SYTL2: variants seen among roughly 807,000 people sequenced by gnomAD.
SYTL2 encodes synaptotagmin-like protein 2.
SYTL2 carries 165 observed loss-of-function variants against 198.7 expected under a neutral mutation model. The ratio of observed to expected loss-of-function variants is 0.83; its 90% CI spans 0.73 to 0.94. The LOEUF (loss-of-function observed/expected upper bound fraction) is 0.94, where lower values mean the gene tolerates loss of function less well. SYTL2 is among the 40% of genes least tolerant of loss of function. SYTL2 has a pLI of 0.00. For missense variants in SYTL2, 2,835 were observed against 2,582.8 expected (o/e 1.10, Z -2.12); for synonymous variants, 966 against 917.7 (o/e 1.05, Z -0.95).
the SYTL2 span, among the ~76,000 whole-genome samples, chr11:85,833,169 AAG>A: frequency 7.3e-6 from 1 of 137,476 alleles, no homozygotes; most frequent in Non-Finnish European, 1.7e-5. Context: ...GAAAGAAAGA[AAG>A]AAAGAAAGAA....
At chr11:85,807,923 G>A (rs2092980010) in intron 1 of SYTL2, among the ~76,000 whole-genome samples, 1 of 152,080 alleles carries the variant, frequency 6.6e-6, no homozygotes, top group African/African-American at 2.4e-5. Context: ...ATGGCTCTTA[G>A]CTCTGACAAT....
intron 7 of SYTL2, among the ~76,000 whole-genome samples, chr11:85,732,444 G>C (rs2089912152): frequency 6.6e-6 from 1 of 152,136 alleles, no homozygotes; most frequent in Admixed American, 6.6e-5. Flanking sequence ...CCTCTGCAGG[G>C]ACATGGATGA....
At position 85,780,225 on chromosome 11, in the gene SYTL2, A is replaced by T. The variant is rs1016298788; in HGVS notation, c.-389-22111T>A. Among the ~76,000 whole-genome samples, 7 of 152,354 alleles carry T rather than the reference A, an allele frequency of 4.6e-5. No homozygotes were observed. The South Asian group carries it at 8.3e-4, about 18-fold the overall frequency. On this transcript the variant is annotated intron_variant, in intron 1 of 19. Transcript: ENST00000359152. ...CTTTCAATAGTGCTTATGCTCATCTAAAGAGTAGGATAATTTTCCACCAAA... is the reference window on the plus strand; with the variant it reads ...CTTTCAATAGTGCTTATGCTCATCTTAAGAGTAGGATAATTTTCCACCAAA...
chr11:85,796,576 G>A (rs926602493), intron 1 of SYTL2, among the ~76,000 whole-genome samples: 2 of 152,310 alleles, frequency 1.3e-5, no homozygotes, highest in African/African-American at 4.8e-5. Flanking sequence ...CTTACAGTGG[G>A]CAATCAAGAA....
At chr11:85,843,294 G>C in the SYTL2 span, among the ~76,000 whole-genome samples, 1 of 152,148 alleles carries the variant, frequency 6.6e-6, no homozygotes, top group African/African-American at 2.4e-5. Context: ...CTCGAACCTG[G>C]GAGGCAGAGG....
rs112447673 is a variant in SYTL2, at chr11:85,719,527, T to C, written c.5429-684A>G. 4.6e-4 allele frequency: 78 copies of C among 167,800 alleles called. 1 individual carries two copies. Among genetic ancestry groups the C allele is most frequent in the African/African-American group, 1.7e-3 (72 of 41,748 alleles). The allele number at this position is 167,800 out of a possible 1,614,324, so 10.4% of individuals were successfully genotyped here. On this transcript the variant is annotated intron_variant, in intron 9 of 19. Transcript: ENST00000359152. ...GAGATTTTTTTTTTCTTTTTTTCTT[T>C]TTCTCAAGGCCCATCACCAACATCA...
rs1591507395 is a variant in SYTL2 at position 85,695,121 on chromosome 11, C to T, written c.*74G>A. ...TAGATAGAAAGTGAGGATATTTGTC[C>T]ACCTACTCAGATTTTCAAGATCAGA... On this transcript the variant is annotated 3_prime_UTR_variant, in exon 20 of 20. Transcript: ENST00000359152. 2 of 1,468,184 alleles carry T rather than the reference C, an allele frequency of 1.4e-6. No individual in the cohort carries two copies. Among genetic ancestry groups the T allele is most frequent in the Non-Finnish European group, 1.9e-6 (2 of 1,077,564 alleles). 90.9% of individuals were successfully genotyped at this position (1,468,184 alleles called of 1,614,324 possible).
intron 4 of SYTL2, among the ~76,000 whole-genome samples, chr11:85,738,963 A>G (rs577575548): frequency 6.6e-6 from 1 of 152,202 alleles, no homozygotes; most frequent in Admixed American, 6.5e-5. Context: ...GCCAGCCTCA[A>G]CAGCCCATAT....
intron 1 of SYTL2, among the ~76,000 whole-genome samples, chr11:85,795,516 A>G (rs890329683): frequency 3.3e-5 from 5 of 152,138 alleles, no homozygotes; most frequent in African/African-American, 1.2e-4. Flanking sequence ...CATGATCAGC[A>G]CTTTCACTGT....
intron 1 of SYTL2, among the ~76,000 whole-genome samples, chr11:85,782,012 G>A (rs971305762): frequency 1.3e-5 from 2 of 152,236 alleles, no homozygotes; most frequent in Admixed American, 1.3e-4. Flanking sequence ...CAGTGCCCCA[G>A]TGGGGACTGG....
In SYTL2 at chr11:85,745,754, C is replaced by T. The variant is rs368330801; in HGVS notation, c.272G>A (p.Arg91Lys). The change falls in exon 4 of 20, where the codon AGA becomes AAA. Residue 91 changes from arginine to lysine, a missense_variant. Physicochemically the swap from Arg to Lys is conservative, Grantham distance 26 (BLOSUM62 2). This residue lies in a region of SYTL2 where 2,645 missense variants were observed against 2,381.7 expected (regional missense o/e 1.11). Transcript: ENST00000359152. ...PQIAAEQSKDRENGAKESWVN... is the reference protein window; with the variant it reads ...PQIAAEQSKDKENGAKESWVN... ...CCAGCTTTCCTTTGCCCCATTTTCT[C>T]TGTCTTTACTCTGCTCAGCTGAAAC... 2.5e-6 allele frequency: 4 copies of T among 1,613,154 alleles called. No homozygotes were observed. Among genetic ancestry groups the T allele is most frequent in the Non-Finnish European group, 3.4e-6 (4 of 1,179,534 alleles).
At chr11:85,735,255 T>C (rs1258446750) in intron 6 of SYTL2, among the ~76,000 whole-genome samples, 2 of 152,222 alleles carry the variant, frequency 1.3e-5, no homozygotes, top group Admixed American at 1.3e-4. Context: ...CATTGCACTG[T>C]ACATTTAAGA....
At chr11:85,704,629 T>C (rs1210933601) in intron 16 of SYTL2, among the ~76,000 whole-genome samples, 1 of 152,186 alleles carries the variant, frequency 6.6e-6, no homozygotes, top group Non-Finnish European at 1.5e-5. Context: ...GTATCAAATT[T>C]CAAAGGACTG....
At chr11:85,772,049 T>C in intron 1 of SYTL2, among the ~76,000 whole-genome samples, 1 of 152,082 alleles carries the variant, frequency 6.6e-6, no homozygotes, top group Non-Finnish European at 1.5e-5. Context: ...CCTACAGGCA[T>C]ATGACACAAC....
At position 85,724,794 on chromosome 11, in the gene SYTL2, T is replaced by A. The variant is rs1456361861; in HGVS notation, c.4564A>T (p.Asn1522Tyr). The change falls in exon 8 of 20, where the codon AAT (asparagine) becomes TAT (tyrosine). Residue 1522 changes from asparagine (N) to tyrosine (Y), a missense_variant. Asn to Tyr is a moderately radical substitution (Grantham distance 143). This residue lies in a region of SYTL2 where 2,645 missense variants were observed against 2,381.7 expected (regional missense o/e 1.11). Transcript: ENST00000359152. ...FPSKYESDTG[N>Y]LSPSKLIGST... Reference sequence around the variant, plus strand: ...CCTATTAACTTTGATGGAGAAAGATTCCCTGTATCACTTTCATATTTTGAG... The same window carrying A: ...CCTATTAACTTTGATGGAGAAAGATACCCTGTATCACTTTCATATTTTGAG... The A allele has an allele frequency of 6.2e-7, 1 of 1,613,096 alleles. No individual in the cohort carries two copies. The highest frequency in any genetic ancestry group is 2.2e-5 in the East Asian group (1 of 44,886).
chr11:85,700,967 C>T (rs1382942054), intron 16 of SYTL2, among the ~76,000 whole-genome samples: 6 of 151,946 alleles, frequency 3.9e-5, no homozygotes, highest in Admixed American at 3.3e-4. Flanking sequence ...ATTTGTATTC[C>T]CTTTATTTGA....
At chr11:85,704,080 T>C (rs1314333895) in intron 16 of SYTL2, among the ~76,000 whole-genome samples, 2 of 151,848 alleles carry the variant, frequency 1.3e-5, no homozygotes, top group Non-Finnish European at 2.9e-5. Context: ...TAAGTGCAAA[T>C]GGACTAGATA....
chr11:85,849,002 C>T, the SYTL2 span, among the ~76,000 whole-genome samples: 35 of 152,188 alleles, frequency 2.3e-4, no homozygotes, highest in Non-Finnish European at 3.5e-4. Context: ...GTGCCTCTGG[C>T]TTAAAGTGAA....
At chr11:85,728,859 T>C (rs374066769) in intron 7 of SYTL2, among the ~76,000 whole-genome samples, 5 of 152,316 alleles carry the variant, frequency 3.3e-5, no homozygotes, top group South Asian at 2.1e-4. Flanking sequence ...GGCCTTACTA[T>C]TGATGTATTG....
Sources: gnomAD v4.1 joint callset for allele counts (sites outside exome capture counted in the v4.1 genomes callset) on GRCh38, gnomAD v4.1.1 for gene constraint, gnomAD v4.1.1 regional missense constraint, MANE v1.5 for transcripts, NCBI Gene and HGNC (gene_info 2026-07-23, HGNC 2026-07-21) for gene names.